Variants in NF2 observed in about 807,000 individuals in gnomAD.
NF2 encodes the protein NF2, moesin-ezrin-radixin like (MERLIN) tumor suppressor.
In NF2, 8 loss-of-function variants were observed where a neutral mutation model predicts 83.7. The observed-to-expected ratio is 0.10, with a 90% CI of 0.06 to 0.17. The LOEUF (loss-of-function observed/expected upper bound fraction) is 0.17, where lower values mean the gene tolerates loss of function less well. Ranked by LOEUF, NF2 falls within the 10% of genes least tolerant of loss-of-function variation. NF2 has a pLI of 1.00. For missense variants in NF2, 533 were observed against 744.4 expected, an observed-to-expected ratio of 0.72 and a Z score of 3.31; for synonymous variants, 266 against 269.6, an observed-to-expected ratio of 0.99 and a Z score of 0.13.
chr22:29,660,079 G>T (rs2066432545), intron 7 of NF2, among the ~76,000 whole-genome samples: 1 of 152,164 alleles, frequency 6.6e-6, no homozygotes, highest in South Asian at 2.1e-4. Flanking sequence ...TCGTCAAGGG[G>T]TCAGGAGCTG....
At chr22:29,648,147 T>TAAATAAAA (rs2146935631) in intron 4 of NF2, among the ~76,000 whole-genome samples, 1 of 149,686 alleles carries the variant, frequency 6.7e-6, no homozygotes, top group East Asian at 2.0e-4. Flanking sequence ...AATAAATAAA[T>TAAATAAAA]AAATAAATAA....
chr22:29,619,145 A>G (rs1232043959), intron 1 of NF2, among the ~76,000 whole-genome samples: 1 of 151,994 alleles, frequency 6.6e-6, no homozygotes, highest in East Asian at 1.9e-4. Flanking sequence ...CCTGGGTTCA[A>G]GTGATTCTCC....
intron 1 of NF2, among the ~76,000 whole-genome samples, chr22:29,612,471 C>T (rs941797040): frequency 6.6e-6 from 1 of 151,366 alleles, no homozygotes; most frequent in Admixed American, 6.6e-5. Flanking sequence ...CACAGGCATG[C>T]GCGATCATCC....
intron 4 of NF2, among the ~76,000 whole-genome samples, chr22:29,644,066 C>G (rs1435314368): frequency 2.8e-5 from 4 of 142,716 alleles, no homozygotes; most frequent in Non-Finnish European, 6.1e-5. Flanking sequence ...CGGGCGGAGA[C>G]GCTCCTCACT....
intron 10 of NF2, among the ~76,000 whole-genome samples, chr22:29,670,015 T>A (rs886567032): frequency 2.0e-5 from 3 of 152,032 alleles, no homozygotes; most frequent in Non-Finnish European, 4.4e-5. Flanking sequence ...CTTTTTTTTT[T>A]AATAAAAGGG....
Position 29,603,719 on chromosome 22 carries a change from G to T in NF2, c.-280G>T. 2.2e-6 allele frequency: 1 copy of T among 450,554 alleles called. No individual in the cohort carries two copies. The highest frequency in any genetic ancestry group is 5.1e-5 in the South Asian group (1 of 19,532). The allele number at this position is 450,554 out of a possible 1,614,324, so 27.9% of individuals were successfully genotyped here. On this transcript the variant is annotated 5_prime_UTR_variant, in exon 1 of 16. Transcript: ENST00000338641. ...GTCCCGAGGCGTCCCCGGCATCTCC[G>T]GCCCGAATCCCGGAGTGCCGGGTCG...
chr22:29,634,286 G>A (rs1276541486), intron 1 of NF2, among the ~76,000 whole-genome samples: 1 of 152,142 alleles, frequency 6.6e-6, no homozygotes, highest in Non-Finnish European at 1.5e-5. Context: ...TCTAAGTAGG[G>A]CATTCTGAAT....
chr22:29,670,173 T>G (rs188196698), intron 10 of NF2, among the ~76,000 whole-genome samples: 11 of 152,168 alleles, frequency 7.2e-5, no homozygotes, highest in African/African-American at 2.4e-4. Context: ...TAATTTTAAT[T>G]GTTTCGTAGA....
chr22:29,681,069 A>ATTT (rs1569311537), intron 14 of NF2, among the ~76,000 whole-genome samples: 18 of 149,752 alleles, frequency 1.2e-4, no homozygotes, highest in East Asian at 1.9e-4. Context: ...TTTTTTTTTA[A>ATTT]AAATAGAGAC....
intron 11 of NF2, among the ~76,000 whole-genome samples, chr22:29,672,851 C>A (rs1042890204): frequency 1.3e-5 from 2 of 151,274 alleles, no homozygotes; most frequent in African/African-American, 2.4e-5. Context: ...AACTCCTGAC[C>A]TCAGGTGATC....
intron 15 of NF2, among the ~76,000 whole-genome samples, chr22:29,684,699 C>T (rs1432670088): frequency 2.0e-5 from 3 of 152,180 alleles, no homozygotes; most frequent in African/African-American, 7.2e-5. Flanking sequence ...GGCAGTTAAT[C>T]AAACACTCGG....
At chr22:29,667,045 T>A (rs2066644807) in intron 9 of NF2, among the ~76,000 whole-genome samples, 1 of 152,116 alleles carries the variant, frequency 6.6e-6, no homozygotes, top group Admixed American at 6.6e-5. Context: ...GGAGTAGAAG[T>A]ACAGGGCTTG....
At chr22:29,676,144 T>A (rs1030078224) in intron 13 of NF2, among the ~76,000 whole-genome samples, 1 of 151,916 alleles carries the variant, frequency 6.6e-6, no homozygotes, top group Non-Finnish European at 1.5e-5. Context: ...CTGAGATGTG[T>A]TATGTTTTTA....
intron 4 of NF2, among the ~76,000 whole-genome samples, chr22:29,649,455 C>G (rs1031992017): frequency 7.2e-5 from 11 of 152,302 alleles, no homozygotes; most frequent in African/African-American, 2.4e-4. Context: ...AATCCCAACT[C>G]TCAGGGAGGC....
At chr22:29,610,363 G>A (rs989220170) in intron 1 of NF2, among the ~76,000 whole-genome samples, 4 of 151,650 alleles carry the variant, frequency 2.6e-5, no homozygotes, top group Non-Finnish European at 4.4e-5. Context: ...AAAGAAAAGA[G>A]GCTGGGTGCA....
chr22:29,630,725 T>C (rs2065486323), intron 1 of NF2, among the ~76,000 whole-genome samples: 1 of 152,198 alleles, frequency 6.6e-6, no homozygotes, highest in African/African-American at 2.4e-5. Context: ...TTAGCCTCCC[T>C]CTTCGTCACT....
rs2065639690 is a variant in NF2, at chr22:29,636,082, A to G, written c.115-669A>G. On this transcript the variant is annotated intron_variant, in intron 1 of 15. Coordinates refer to ENST00000338641, the MANE Select transcript of NF2 (RefSeq NM_000268.4). The surrounding 1 kb of genome is among the most constrained non-coding windows in gnomAD (Gnocchi z 4.4). ...GAAAGTGAGGCTATAGGATAAACACACTACAGTATATTGATATCTATTCGT... is the reference window on the plus strand; with the variant it reads ...GAAAGTGAGGCTATAGGATAAACACGCTACAGTATATTGATATCTATTCGT... Among the ~76,000 whole-genome samples, 1 of 152,196 alleles carries G rather than the reference A, an allele frequency of 6.6e-6. No homozygotes were observed. Among genetic ancestry groups the G allele is most frequent in the South Asian group, 2.1e-4 (1 of 4,830 alleles).
chr22:29,661,518 C>T (rs1416403837), intron 8 of NF2, among the ~76,000 whole-genome samples, 179 bp downstream of exon 8: 1 of 152,162 alleles, frequency 6.6e-6, no homozygotes, highest in Non-Finnish European at 1.5e-5. Flanking sequence ...CATCAATAAC[C>T]CCACTATGAC....
At chr22:29,653,010 C>T (rs192652813) in intron 4 of NF2, among the ~76,000 whole-genome samples, 191 of 152,246 alleles carry the variant, frequency 1.3e-3, no homozygotes, top group Non-Finnish European at 2.2e-3. Flanking sequence ...AGCCTTAACC[C>T]GTGGGCTCAA....
Sources: gnomAD v4.1 joint callset for allele counts (sites outside exome capture counted in the v4.1 genomes callset) on GRCh38, gnomAD v4.1.1 for gene constraint, Gnocchi (gnomAD v3.1) non-coding constraint, MANE v1.5 for transcripts, NCBI Gene and HGNC (gene_info 2026-07-23, HGNC 2026-07-21) for gene names.